CFHR2: variants seen among roughly 807,000 people sequenced by gnomAD.
CFHR2 encodes complement factor H related 2.
Under a neutral mutation model 21.7 loss-of-function variants are expected in CFHR2, and 22 were observed. That is an observed-to-expected ratio of 1.01 (90% CI 0.72 to 1.45). CFHR2 has a LOEUF of 1.45. CFHR2 is among the 40% of genes most tolerant of loss of function. The pLI is 0.00. For synonymous variants in CFHR2, 98 were observed against 97.4 expected, an observed-to-expected ratio of 1.01 and a Z score of -0.04; for missense variants, 294 against 293.3, an observed-to-expected ratio of 1.00 and a Z score of -0.02.
intron 4 of CFHR2, 73 bp from the exon 5 acceptor site, chr1:196,958,808 C>G (rs1167981275): frequency 1.0e-6 from 1 of 954,988 alleles, no homozygotes. Flanking sequence ...ATATAACATT[C>G]TACTTGAAAA....
chr1:196,950,669 C>T lies in CFHR2; in HGVS notation c.254-183C>T, dbSNP rs1659690537. 2.6e-5 allele frequency among the ~76,000 whole-genome samples: 4 copies of T among 152,124 alleles called. No homozygotes were observed. In the South Asian group the frequency reaches 8.3e-4, roughly 31 times the overall value. On this transcript the variant is annotated intron_variant, in intron 2 of 4. Transcript: ENST00000367415. ...TGTATTTTTAGTAGAAACAGGGTTT[C>T]ACCATGTTGACCAGGCTGGCCTCGA... is the stretch of plus-strand genomic sequence containing the variant.
At chr1:196,950,465 T>G (rs1476973861) in intron 2 of CFHR2, among the ~76,000 whole-genome samples, 1 of 147,306 alleles carries the variant, frequency 6.8e-6, no homozygotes, top group East Asian at 1.9e-4. Context: ...TTTGTTTGTT[T>G]GTTTTGTTTT....
At chr1:196,955,857 T>C (rs1359803537) in intron 3 of CFHR2, among the ~76,000 whole-genome samples, 3 of 151,822 alleles carry the variant, frequency 2.0e-5, no homozygotes, top group Non-Finnish European at 4.4e-5. Context: ...AAAAAAATAA[T>C]AATAATAAAT....
At position 196,947,129 on chromosome 1, in the gene CFHR2, ATG is replaced by A. The variant is rs60284392; in HGVS notation, c.59-2302_59-2301del. On this transcript the variant is annotated intron_variant, in intron 1 of 4. Transcript: ENST00000367415. ...AATATCTGTACAACTGTATATATGT[ATG>A]TGTGTGTGTGTGTGTGTGTGTGTAT... Among the ~76,000 whole-genome samples the A allele has an allele frequency of 3.7e-3, 549 of 147,688 alleles. 1 individual carries two copies. The highest frequency in any genetic ancestry group is 6.4e-3 in the African/African-American group (260 of 40,660).
rs1359584708 is a variant in CFHR2, at chr1:196,950,748, C to T, written c.254-104C>T. On this transcript the variant is annotated intron_variant, in intron 2 of 4. Coordinates refer to ENST00000367415, the MANE Select transcript of CFHR2 (RefSeq NM_005666.4). ...TCAGCCTCCCAAAGTGCAGGGATTA[C>T]CAGCTTGAGCCACTTCACCCTATTT... 3 of 1,321,008 alleles carry T rather than the reference C, an allele frequency of 2.3e-6. No homozygotes were observed. In the Admixed American group the frequency reaches 5.9e-5, roughly 26 times the overall value. 81.8% of individuals were successfully genotyped at this position (1,321,008 alleles called of 1,614,324 possible). A position where few individuals can be genotyped will look rare whatever the true frequency, so the allele number is the denominator to read the frequency against.
Position 196,959,140 on chromosome 1 carries a change from G to T in CFHR2, c.*60G>T. The T allele has an allele frequency of 8.5e-7, 1 of 1,179,610 alleles. No individual in the cohort carries two copies. The highest frequency in any genetic ancestry group is 1.6e-5 in the African/African-American group (1 of 64,512). 73.1% of individuals were successfully genotyped at this position (1,179,610 alleles called of 1,614,324 possible). ...TTTTTCTGAATTTACTATTATATTT[G>T]TTTTCAATTTCATTTTTCAAGTACT... On this transcript the variant is annotated 3_prime_UTR_variant, in exon 5 of 5. Coordinates refer to ENST00000367415, the MANE Select transcript of CFHR2 (RefSeq NM_005666.4).
intron 1 of CFHR2, among the ~76,000 whole-genome samples, chr1:196,947,296 C>A (rs1392063965): frequency 6.6e-6 from 1 of 152,110 alleles, no homozygotes; most frequent in East Asian, 1.9e-4. Flanking sequence ...TGCAGATATG[C>A]ACAATGAATA....
rs548922227 is a variant in CFHR2 at position 196,946,088 on chromosome 1, C to A, written c.58+2150C>A. On this transcript the variant is annotated intron_variant, in intron 1 of 4. Transcript: ENST00000367415. ...AAAATACAGTATAAAATATTAAAAA[C>A]GGCAGACTTGTATAGGGCTTTTACC... 2.0e-5 allele frequency among the ~76,000 whole-genome samples: 3 copies of A among 152,006 alleles called. No homozygotes were observed. The East Asian group carries it at 5.8e-4, about 29-fold the overall frequency.
intron 3 of CFHR2, among the ~76,000 whole-genome samples, chr1:196,956,625 C>G (rs943583723): frequency 1.3e-5 from 2 of 151,998 alleles, no homozygotes; most frequent in Non-Finnish European, 1.5e-5. Context: ...CTGTCATCTC[C>G]CAGTGTGTTA....
chr1:196,944,923 C>G (rs1284749321), intron 1 of CFHR2, among the ~76,000 whole-genome samples: 2 of 149,276 alleles, frequency 1.3e-5, no homozygotes, highest in Non-Finnish European at 3.0e-5. Flanking sequence ...GTTTCCCAGG[C>G]TGGAGTGCAA....
rs117602502 is a variant in CFHR2, at chr1:196,956,378, G to A, written c.431-1513G>A. On this transcript the variant is annotated intron_variant, in intron 3 of 4. Transcript: ENST00000367415. Reference sequence around the variant, plus strand: ...ATGAGAAAAATATTGTATAGTATTCGTTAGTTCTACATGTCACTATTAGTT... The same window carrying A: ...ATGAGAAAAATATTGTATAGTATTCATTAGTTCTACATGTCACTATTAGTT... 8.2e-4 allele frequency among the ~76,000 whole-genome samples: 125 copies of A among 152,256 alleles called. 2 individuals are homozygous for A. The East Asian group carries it at 0.021, about 26-fold the overall frequency.
At position 196,957,910 on chromosome 1, in the gene CFHR2, GC is replaced by G. The variant is rs753712412; in HGVS notation, c.455del (p.Pro152LeufsTer39). The part of the protein sequence containing the change: ...RSTISAEKCG[P>X]PPPIDNGDIT... The stretch of plus-strand genomic sequence containing the variant: ...TTTTAGTTTCTGCAGAAAAATGTGG[GC>G]CCCCTCCACCTATTGACAATGGAGA... On this transcript the variant is annotated frameshift_variant, in exon 4 of 5. Coordinates refer to ENST00000367415, the MANE Select transcript of CFHR2 (RefSeq NM_005666.4). LOFTEE classifies it high-confidence loss of function. 7.4e-5 allele frequency: 119 copies of G among 1,609,434 alleles called. No homozygotes were observed. In the South Asian group the frequency reaches 1.2e-3, roughly 17 times the overall value.
chr1:196,957,930 A>G lies in CFHR2; in HGVS notation c.470A>G (p.Asn157Ser), dbSNP rs559155210. ...TGTGGGCCCCCTCCACCTATTGACA[A>G]TGGAGACATTACTTCATTCCTGTTG... is the stretch of plus-strand genomic sequence containing the variant. ...EKCGPPPPID[N>S]GDITSFLLSV... is the part of the protein sequence containing the mutation. Residue 157 changes from asparagine (N) to serine (S), a missense_variant, in exon 4 of 5, where the codon AAT (asparagine) becomes AGT (serine). Coordinates refer to ENST00000367415, the MANE Select transcript of CFHR2 (RefSeq NM_005666.4). 1.9e-6 allele frequency: 3 copies of G among 1,613,256 alleles called. No individual in the cohort carries two copies. Among genetic ancestry groups the G allele is most frequent in the Middle Eastern group, 3.3e-4 (2 of 6,052 alleles).
intron 1 of CFHR2, among the ~76,000 whole-genome samples, chr1:196,948,944 G>A (rs952114109): frequency 1.3e-5 from 2 of 151,940 alleles, no homozygotes; most frequent in Non-Finnish European, 2.9e-5. Flanking sequence ...TAACCAGAAA[G>A]TATTCAAAAT....
chr1:196,949,845 A>C (rs1205291201), intron 2 of CFHR2, among the ~76,000 whole-genome samples, 196 bp downstream of exon 2: 3 of 152,224 alleles, frequency 2.0e-5, no homozygotes, highest in Admixed American at 6.5e-5. Flanking sequence ...GTCTTGCATT[A>C]CCCGGAAATT....
intron 2 of CFHR2, 65 bp from the exon 3 acceptor site, chr1:196,950,787 A>G (rs956266434): frequency 1.9e-6 from 3 of 1,561,918 alleles, no homozygotes; most frequent in Admixed American, 1.7e-5. Context: ...AAAATATTTT[A>G]AAATGCAGTT....
rs552680778 is a variant in CFHR2 at position 196,947,709 on chromosome 1, C to A, written c.59-1746C>A. Among the ~76,000 whole-genome samples, 81 of 152,224 alleles carry A rather than the reference C, an allele frequency of 5.3e-4. 1 individual carries two copies. The highest frequency in any genetic ancestry group is 1.9e-3 in the African/African-American group (79 of 41,550). ...AAAAATAAAATTATTTCTTATGCAACAGTACTATATTGCAACAATATCTTG... is the reference window on the plus strand; with the variant it reads ...AAAAATAAAATTATTTCTTATGCAAAAGTACTATATTGCAACAATATCTTG... On this transcript the variant is annotated intron_variant, in intron 1 of 4. Transcript: ENST00000367415.
In CFHR2 at chr1:196,956,860, G is replaced by A. The variant is rs565454279; in HGVS notation, c.431-1031G>A. Among the ~76,000 whole-genome samples the A allele has an allele frequency of 5.3e-5, 8 of 152,034 alleles. No individual in the cohort carries two copies. The South Asian group carries it at 6.2e-4, about 12-fold the overall frequency. On this transcript the variant is annotated intron_variant, in intron 3 of 4. Transcript: ENST00000367415. The stretch of plus-strand genomic sequence containing the variant: ...TTTAGGTGTTATATTTTGAGTACTC[G>A]ATTGCAAAAATCTTATTTGGCAGGT...
intron 2 of CFHR2, 92 bp from the exon 3 acceptor site, chr1:196,950,760 A>G: frequency 7.0e-7 from 1 of 1,429,948 alleles, no homozygotes; most frequent in Non-Finnish European, 9.7e-7. Context: ...AGCTTGAGCC[A>G]CTTCACCCTA....
Sources: gnomAD v4.1 joint callset for allele counts (sites outside exome capture counted in the v4.1 genomes callset) on GRCh38, gnomAD v4.1.1 for gene constraint, MANE v1.5 for transcripts, NCBI Gene and HGNC (gene_info 2026-07-23, HGNC 2026-07-21) for gene names.